The following CCSER1 variants were observed in gnomAD, a reference collection of about 807,000 sequenced individuals.
CCSER1 encodes coiled-coil serine rich protein 1, also known as serine-rich coiled-coil domain-containing protein 1.
Under a neutral mutation model 82.0 loss-of-function variants are expected in CCSER1, and 41 were observed. That is an observed-to-expected ratio of 0.50 (90% confidence interval 0.39 to 0.65). The LOEUF (loss-of-function observed/expected upper bound fraction) is 0.65, where lower values mean the gene tolerates loss of function less well. Among genes scored for constraint, CCSER1 ranks in the 30% least tolerant of loss-of-function variants. CCSER1 has a pLI of 0.00. For synonymous variants in CCSER1, 414 were observed against 383.9 expected, an observed-to-expected ratio of 1.08 and a Z score of -0.92; for missense variants, 1,119 against 1,064.2, an observed-to-expected ratio of 1.05 and a Z score of -0.72.
At chr4:91,383,874 G>A (rs763624816) in intron 10 of CCSER1, among the ~76,000 whole-genome samples, 1 of 152,106 alleles carries the variant, frequency 6.6e-6, no homozygotes, top group African/African-American at 2.4e-5. Context: ...TGCATAAAGT[G>A]TTTTCACTTT....
intron 5 of CCSER1, among the ~76,000 whole-genome samples, chr4:90,476,644 C>T (rs374448508): frequency 1.3e-5 from 2 of 152,024 alleles, no homozygotes; most frequent in South Asian, 2.1e-4. Context: ...GGTTTTCAAA[C>T]GTCAAGAACC....
chr4:91,168,448 G>A (rs1247071986), intron 10 of CCSER1, among the ~76,000 whole-genome samples: 1 of 143,770 alleles, frequency 7.0e-6, no homozygotes, highest in African/African-American at 2.6e-5. Context: ...CGCCCTGTCT[G>A]GGAAGCAGGG....
chr4:91,047,239 T>C (rs67378865), intron 9 of CCSER1, among the ~76,000 whole-genome samples: 25,960 of 151,588 alleles, frequency 0.17, 2,747 homozygotes, highest in African/African-American at 0.3. Flanking sequence ...CATATATATA[T>C]ACACACACAC....
chr4:91,322,133 TG>T (rs1275827221), intron 10 of CCSER1, among the ~76,000 whole-genome samples: 3 of 152,138 alleles, frequency 2.0e-5, no homozygotes. Flanking sequence ...CCAAATTGTT[TG>T]TCTTTAGCAG....
At chr4:90,984,667 G>A (rs1182545590) in intron 9 of CCSER1, among the ~76,000 whole-genome samples, 1 of 151,640 alleles carries the variant, frequency 6.6e-6, no homozygotes, top group African/African-American at 2.4e-5. Flanking sequence ...AGCACTAAGA[G>A]GGGGAAAAAT....
chr4:91,382,193 T>C (rs1750953561), intron 10 of CCSER1, among the ~76,000 whole-genome samples: 1 of 152,064 alleles, frequency 6.6e-6, no homozygotes, highest in African/African-American at 2.4e-5. Flanking sequence ...AGTTAGGCCA[T>C]GCTGGGAGAA....
chr4:90,806,477 T>C (rs1291279309), intron 7 of CCSER1, among the ~76,000 whole-genome samples: 10 of 152,188 alleles, frequency 6.6e-5, no homozygotes. Context: ...AATACAAAAA[T>C]ACTGTTGTTA....
chr4:90,141,020 A>AAGATATC (rs1724672412), intron 1 of CCSER1, among the ~76,000 whole-genome samples: 1 of 145,874 alleles, frequency 6.9e-6, no homozygotes, highest in African/African-American at 2.6e-5. Flanking sequence ...ACCCAGCAAG[A>AAGATATC]TATCTATCTA....
intron 6 of CCSER1, among the ~76,000 whole-genome samples, chr4:90,702,131 A>AT (rs1278399297): frequency 1.3e-5 from 2 of 152,062 alleles, no homozygotes; most frequent in African/African-American, 4.8e-5. Flanking sequence ...AGCTCTTATT[A>AT]TTTTGAGATA....
intron 10 of CCSER1, among the ~76,000 whole-genome samples, chr4:91,547,732 G>C (rs1034392022): frequency 6.6e-6 from 1 of 151,856 alleles, no homozygotes; most frequent in Admixed American, 6.6e-5. Flanking sequence ...TTTTATATTT[G>C]TTGCTTTTAT....
chr4:91,492,075 A>T (rs1235148513), intron 10 of CCSER1, among the ~76,000 whole-genome samples: 2 of 151,330 alleles, frequency 1.3e-5, no homozygotes, highest in African/African-American at 4.9e-5. Flanking sequence ...CATACTCCTG[A>T]TGTGTACCAC....
At chr4:90,980,946 GATTA>G (rs1212942341) in intron 9 of CCSER1, among the ~76,000 whole-genome samples, 1 of 151,748 alleles carries the variant, frequency 6.6e-6, no homozygotes, top group Non-Finnish European at 1.5e-5. Flanking sequence ...CATAGTCCTT[GATTA>G]ATTATCATTT....
At chr4:90,461,893 G>A (rs931372998) in intron 4 of CCSER1, among the ~76,000 whole-genome samples, 2 of 152,162 alleles carry the variant, frequency 1.3e-5, no homozygotes, top group Non-Finnish European at 2.9e-5. Context: ...CAAGGCAAAT[G>A]TTTTATGTTT....
intron 10 of CCSER1, among the ~76,000 whole-genome samples, chr4:91,542,359 T>C (rs1761648725): frequency 6.6e-6 from 1 of 152,208 alleles, no homozygotes; most frequent in African/African-American, 2.4e-5. Context: ...TTTATGGTTT[T>C]AGGTCTAATA....
chr4:91,284,181 A>G (rs1391297166), intron 10 of CCSER1, among the ~76,000 whole-genome samples: 1 of 152,106 alleles, frequency 6.6e-6, no homozygotes, highest in Non-Finnish European at 1.5e-5. Context: ...TCAACTCAGT[A>G]AGGTTTCTTA....
At chr4:91,585,735 GT>G (rs1763956128) in intron 10 of CCSER1, among the ~76,000 whole-genome samples, 2 of 151,336 alleles carry the variant, frequency 1.3e-5, no homozygotes, top group South Asian at 2.1e-4. Context: ...GAAGGAGAAA[GT>G]TTTTCATGTT....
chr4:91,481,402 T>A (rs1222330767), intron 10 of CCSER1, among the ~76,000 whole-genome samples: 2 of 152,118 alleles, frequency 1.3e-5, no homozygotes, highest in Admixed American at 6.5e-5. Context: ...ACTTAGTGAC[T>A]CTTTTTGTGT....
intron 1 of CCSER1, among the ~76,000 whole-genome samples, chr4:90,193,247 T>C (rs1473069082): frequency 6.6e-6 from 1 of 152,084 alleles, no homozygotes; most frequent in Non-Finnish European, 1.5e-5. Context: ...CAGGAACCAC[T>C]TTGTCTTGTT....
chr4:90,402,624 A>T (rs1270170391), intron 4 of CCSER1, among the ~76,000 whole-genome samples: 1 of 152,192 alleles, frequency 6.6e-6, no homozygotes, highest in Non-Finnish European at 1.5e-5. Flanking sequence ...TTTTCATTGT[A>T]AAAAATAAAA....
Sources: allele counts gnomAD v4.1 joint callset (sites outside exome capture counted in the v4.1 genomes callset), GRCh38; gene constraint gnomAD v4.1.1; transcripts MANE v1.5; gene names NCBI Gene and HGNC (gene_info 2026-07-23, HGNC 2026-07-21).